KANK1: variants seen among roughly 807,000 people sequenced by gnomAD.
KANK1 encodes KN motif and ankyrin repeat domains 1.
Under a neutral mutation model 106.2 loss-of-function variants are expected in KANK1, and 109 were observed. The observed-to-expected ratio is 1.03, with a 90% CI of 0.88 to 1.20. KANK1 has a LOEUF of 1.20. Among genes scored for constraint, KANK1 ranks in the 50% most tolerant of loss-of-function variants. KANK1 has a pLI of 0.00. For synonymous variants in KANK1, 873 were observed against 652.2 expected, an observed-to-expected ratio of 1.34 and a Z score of -5.16; for missense variants, 2,399 against 1,710.7, an observed-to-expected ratio of 1.40 and a Z score of -7.10.
intron 2 of KANK1, among the ~76,000 whole-genome samples, chr9:701,397 C>G (rs1177876767): frequency 6.6e-6 from 1 of 152,334 alleles, no homozygotes; most frequent in East Asian, 1.9e-4. Flanking sequence ...AGCCTCCGCG[C>G]CCAATGGAAG....
chr9:514,173 TCCCTTC>T (rs2059167018), intron 1 of KANK1, among the ~76,000 whole-genome samples: 1 of 63,748 alleles, frequency 1.6e-5, no homozygotes. Context: ...CCTCTCTCCC[TCCCTTC>T]CTCTCTCCCT....
At chr9:599,405 C>G (rs750323848) in intron 1 of KANK1, among the ~76,000 whole-genome samples, 40 of 151,808 alleles carry the variant, frequency 2.6e-4, no homozygotes, top group Non-Finnish European at 4.7e-4. Context: ...TCCAAATATT[C>G]TGTAGAGTGG....
At chr9:528,937 C>G (rs950051102) in intron 1 of KANK1, among the ~76,000 whole-genome samples, 2 of 151,998 alleles carry the variant, frequency 1.3e-5, no homozygotes, top group Admixed American at 6.6e-5. Context: ...GTAGCTGGGA[C>G]TACAGGTGCA....
At position 742,396 on chromosome 9, in the gene KANK1, A is replaced by C; in HGVS notation, c.3888A>C (p.Leu1296=). Residue 1296 remains leucine (L), a synonymous_variant, in exon 10 of 12, where the codon CTA becomes CTC. Coordinates refer to ENST00000382297, the MANE Select transcript of KANK1 (RefSeq NM_015158.5). ...CCCAGCCCGGCTGCAACGGTCACCT[A>C]GAGGACAACGTAAGCTGTCTCCATT... The part of the protein sequence containing the change: ...LLAQPGCNGH[L]EDNDGSTALS... The C allele has an allele frequency of 6.2e-7, 1 of 1,612,926 alleles. No individual in the cohort carries two copies.
chr9:690,075 G>C (rs1819503320), intron 2 of KANK1, among the ~76,000 whole-genome samples: 7 of 146,998 alleles, frequency 4.8e-5, no homozygotes, highest in Non-Finnish European at 1.0e-4. Flanking sequence ...ATCACCTGAG[G>C]TCAGGAGTTT....
At chr9:548,464 A>C (rs16924533) in intron 1 of KANK1, among the ~76,000 whole-genome samples, 7,952 of 152,258 alleles carry the variant, frequency 0.052, 232 homozygotes, top group African/African-American at 0.068. Flanking sequence ...AGATGCCCTC[A>C]CATGCTTTCT....
At chr9:520,742 G>T (rs1258577775) in intron 1 of KANK1, among the ~76,000 whole-genome samples, 1 of 151,728 alleles carries the variant, frequency 6.6e-6, no homozygotes, top group Non-Finnish European at 1.5e-5. Context: ...CTAGTTTTTG[G>T]ACAGGACTGA....
At chr9:689,736 G>T (rs1334796441) in intron 2 of KANK1, among the ~76,000 whole-genome samples, 1 of 152,034 alleles carries the variant, frequency 6.6e-6, no homozygotes, top group East Asian at 1.9e-4. Context: ...CTAAGGGGAG[G>T]GGTCGGTTAA....
chr9:562,378 G>A (rs1177383553), intron 1 of KANK1, among the ~76,000 whole-genome samples: 1 of 152,192 alleles, frequency 6.6e-6, no homozygotes, highest in Non-Finnish European at 1.5e-5. Context: ...TCTACACCCT[G>A]CCAGAGCTGG....
chr9:714,609 C>T (rs976727367), intron 3 of KANK1, among the ~76,000 whole-genome samples: 6 of 152,090 alleles, frequency 3.9e-5, no homozygotes, highest in African/African-American at 1.2e-4. Context: ...CTACCCACCT[C>T]GGCCTCCCAA....
intron 1 of KANK1, among the ~76,000 whole-genome samples, chr9:670,615 C>T (rs968947408): frequency 2.6e-5 from 4 of 152,120 alleles, no homozygotes; most frequent in East Asian, 1.9e-4. Context: ...ATAGTGCTGC[C>T]GAACACCCAC....
In KANK1 at chr9:732,444, GTGTGA is replaced by G; in HGVS notation, c.3076_3080del (p.Asp1026HisfsTer2). On this transcript the variant is annotated frameshift_variant, in exon 6 of 12. Coordinates refer to ENST00000382297, the MANE Select transcript of KANK1 (RefSeq NM_015158.5). LOFTEE classifies it high-confidence loss of function. ...GCTCTTCTTCCGAGTCAGATGACGA[GTGTGA>G]TGTCATTGAGTATCCTCTTGAAGAA... 6.2e-7 allele frequency: 1 copy of G among 1,614,198 alleles called. No homozygotes were observed. The highest frequency in any genetic ancestry group is 1.1e-5 in the South Asian group (1 of 91,078).
intron 7 of KANK1, among the ~76,000 whole-genome samples, chr9:736,168 C>T (rs1001562605): frequency 3.9e-5 from 6 of 152,188 alleles, no homozygotes; most frequent in Admixed American, 6.5e-5. Context: ...CCGTGTTAGT[C>T]AGGATGGTCT....
chr9:576,057 C>A (rs1032183687), intron 1 of KANK1, among the ~76,000 whole-genome samples: 1 of 152,146 alleles, frequency 6.6e-6, no homozygotes, highest in Non-Finnish European at 1.5e-5. Context: ...GAATGATTCC[C>A]AAAGTATGGT....
intron 3 of KANK1, among the ~76,000 whole-genome samples, chr9:496,123 G>C (rs1212613039): frequency 6.6e-6 from 1 of 152,138 alleles, no homozygotes; most frequent in Non-Finnish European, 1.5e-5. Context: ...ACCTCTGTGA[G>C]CCCCATTCTT....
chr9:736,029 C>T (rs1422167948), intron 7 of KANK1, among the ~76,000 whole-genome samples: 2 of 152,132 alleles, frequency 1.3e-5, no homozygotes, highest in Admixed American at 6.5e-5. Flanking sequence ...GTGATCTCGG[C>T]TCACTGCAAG....
chr9:732,619 T>C lies in KANK1; in HGVS notation c.3245+2T>C. ...TGAGAAGGTGGAAATCAGAGAGAGG[T>C]GTGGTACATTCCCCTTCCCTCCCTT... On this transcript the variant is annotated splice_donor_variant, in intron 6 of 11. Coordinates refer to ENST00000382297, the MANE Select transcript of KANK1 (RefSeq NM_015158.5). LOFTEE classifies it high-confidence loss of function. 1.2e-6 allele frequency: 2 copies of C among 1,613,008 alleles called. No individual in the cohort carries two copies. Among genetic ancestry groups the C allele is most frequent in the South Asian group, 1.1e-5 (1 of 90,998 alleles).
chr9:518,668 C>T (rs2059407535), intron 1 of KANK1, among the ~76,000 whole-genome samples: 1 of 151,696 alleles, frequency 6.6e-6, no homozygotes, highest in South Asian at 2.1e-4. Flanking sequence ...TGTAGTATTT[C>T]CTGACTATAA....
chr9:471,298 A>C (rs2058016066), intron 2 of KANK1, among the ~76,000 whole-genome samples: 1 of 152,142 alleles, frequency 6.6e-6, no homozygotes, highest in Non-Finnish European at 1.5e-5. Flanking sequence ...TATGTACTGG[A>C]GAAAAGAGAT....
Sources: gnomAD v4.1 joint callset for allele counts (sites outside exome capture counted in the v4.1 genomes callset) on GRCh38, gnomAD v4.1.1 for gene constraint, MANE v1.5 for transcripts, NCBI Gene and HGNC (gene_info 2026-07-23, HGNC 2026-07-21) for gene names.